CCDC6: variants seen among roughly 807,000 people sequenced by gnomAD.
CCDC6 encodes the protein coiled-coil domain-containing protein 6.
CCDC6 carries 20 observed loss-of-function variants against 56.6 expected under a neutral mutation model. That is an observed-to-expected ratio of 0.35 (90% CI 0.25 to 0.51). The LOEUF is 0.51. Ranked by LOEUF, CCDC6 falls within the 20% of genes least tolerant of loss-of-function variation. The pLI is 0.95. For missense variants in CCDC6, 367 were observed against 601.1 expected (o/e 0.61, Z 4.07); for synonymous variants, 241 against 234.4 (o/e 1.03, Z -0.26).
chr10:59,814,599 A>AACACAC (rs111613433), intron 4 of CCDC6, 53 bp downstream of exon 4: 73 of 927,796 alleles, frequency 7.9e-5, no homozygotes, highest in African/African-American at 5.6e-4. Flanking sequence ...CCAGAGCAGC[A>AACACAC]ACACACACAC....
intron 1 of CCDC6, among the ~76,000 whole-genome samples, chr10:59,868,216 A>G (rs67498166): frequency 0.24 from 36,991 of 152,116 alleles, 5,158 homozygotes; most frequent in African/African-American, 0.38. Flanking sequence ...TGGAACATGC[A>G]CTGTACAGAG....
intron 2 of CCDC6, among the ~76,000 whole-genome samples, chr10:59,848,239 T>G (rs891778947): frequency 1.7e-4 from 26 of 152,252 alleles, no homozygotes; most frequent in African/African-American, 5.1e-4. Context: ...AACTAATCTC[T>G]TTTAAAGTAT....
At chr10:59,892,972 G>A (rs890285449) in intron 1 of CCDC6, among the ~76,000 whole-genome samples, 8 of 152,118 alleles carry the variant, frequency 5.3e-5, no homozygotes, top group African/African-American at 1.9e-4. Flanking sequence ...CTCTAAAACT[G>A]AAAATAATTT....
chr10:59,820,831 T>C (rs1486052003), intron 3 of CCDC6, among the ~76,000 whole-genome samples: 1 of 150,866 alleles, frequency 6.6e-6, no homozygotes, highest in African/African-American at 2.4e-5. Flanking sequence ...ACAGCCACAT[T>C]AACCAAACTC....
At chr10:59,830,141 G>A (rs2070823634) in intron 3 of CCDC6, among the ~76,000 whole-genome samples, 1 of 152,156 alleles carries the variant, frequency 6.6e-6, no homozygotes, top group Non-Finnish European at 1.5e-5. Flanking sequence ...CCTTCAAGTG[G>A]CTTATAGTTT....
chr10:59,865,185 G>T (rs1191336143), intron 1 of CCDC6, among the ~76,000 whole-genome samples: 1 of 152,168 alleles, frequency 6.6e-6, no homozygotes, highest in African/African-American at 2.4e-5. Flanking sequence ...TGGCCCAGGG[G>T]CAATGACTAA....
At chr10:59,855,936 G>A (rs1386121484) in intron 1 of CCDC6, among the ~76,000 whole-genome samples, 2 of 152,198 alleles carry the variant, frequency 1.3e-5, no homozygotes, top group East Asian at 1.9e-4. Context: ...CTGGGAGGCC[G>A]AGGCTTTGGC....
At chr10:59,817,934 T>C (rs1437872417) in intron 3 of CCDC6, among the ~76,000 whole-genome samples, 2 of 152,140 alleles carry the variant, frequency 1.3e-5, no homozygotes, top group Non-Finnish European at 2.9e-5. Context: ...AGAAGCAGCA[T>C]GGCAAATCAT....
Position 59,791,470 on chromosome 10 carries a change from G to A in CCDC6, c.*1447C>T. ...CAATGTCATGGTTCCTTATTTTTAG[G>A]AGTGTGTTTAATAAAGAGTTGGCTA... On this transcript the variant is annotated 3_prime_UTR_variant, in exon 9 of 9. Transcript: ENST00000263102. 1 of 196,292 alleles carries A rather than the reference G, an allele frequency of 5.1e-6. No individual in the cohort carries two copies. The allele number at this position is 196,292 out of a possible 1,614,324, so 12.2% of individuals were successfully genotyped here. A position where few individuals can be genotyped will look rare whatever the true frequency, so the allele number is the denominator to read the frequency against.
At chr10:59,859,845 A>T (rs2071112633) in intron 1 of CCDC6, among the ~76,000 whole-genome samples, 2 of 96,752 alleles carry the variant, frequency 2.1e-5, no homozygotes, top group South Asian at 6.5e-4. Context: ...CGGGCATATC[A>T]TTTGAGGCCG....
chr10:59,887,262 A>G (rs930329713), intron 1 of CCDC6, among the ~76,000 whole-genome samples: 10 of 152,196 alleles, frequency 6.6e-5, no homozygotes, highest in African/African-American at 2.4e-4. Context: ...AAACAAGGAT[A>G]ATATGCTACT....
intron 3 of CCDC6, among the ~76,000 whole-genome samples, chr10:59,820,078 C>T (rs2070738454): frequency 6.6e-6 from 1 of 152,178 alleles, no homozygotes; most frequent in African/African-American, 2.4e-5. Flanking sequence ...ATGCATCTGG[C>T]TTATTTGAAT....
chr10:59,819,910 CTT>C (rs1303722729), intron 3 of CCDC6, among the ~76,000 whole-genome samples: 1 of 152,192 alleles, frequency 6.6e-6, no homozygotes, highest in African/African-American at 2.4e-5. Context: ...GGAAAGACTG[CTT>C]TGTAATTAAG....
chr10:59,901,397 G>A (rs889486001), intron 1 of CCDC6, among the ~76,000 whole-genome samples: 1 of 152,194 alleles, frequency 6.6e-6, no homozygotes, highest in Non-Finnish European at 1.5e-5. Context: ...TAGACTTCCA[G>A]AGTAAATAAT....
At chr10:59,847,932 G>A (rs1261800701) in intron 2 of CCDC6, among the ~76,000 whole-genome samples, 2 of 151,594 alleles carry the variant, frequency 1.3e-5, no homozygotes, top group African/African-American at 4.9e-5. Flanking sequence ...CCCCACTGGG[G>A]CCACTGTCTG....
rs1485278316 is a variant in CCDC6, at chr10:59,873,257, A to C, written c.304-20555T>G. ...CCTTATTTGGAAATAGGTTCTTTGC[A>C]GATGTAATCAAGCTAAGATGAGATC... On this transcript the variant is annotated intron_variant, in intron 1 of 8. Transcript: ENST00000263102. Among the ~76,000 whole-genome samples the C allele has an allele frequency of 3.3e-5, 5 of 152,160 alleles. No individual in the cohort carries two copies. In the East Asian group the frequency reaches 9.6e-4, roughly 29 times the overall value.
intron 3 of CCDC6, among the ~76,000 whole-genome samples, chr10:59,820,732 A>G (rs2070743313): frequency 6.6e-6 from 1 of 151,890 alleles, no homozygotes; most frequent in Non-Finnish European, 1.5e-5. Context: ...TGGGTGTCAG[A>G]GCAAGACTCT....
intron 1 of CCDC6, among the ~76,000 whole-genome samples, chr10:59,861,746 G>A (rs1054573535): frequency 2.6e-5 from 4 of 152,194 alleles, no homozygotes; most frequent in Non-Finnish European, 5.9e-5. Context: ...TCAGTAAACT[G>A]AAAGATAAGT....
At chr10:59,793,870 T>C (rs914505052) in intron 8 of CCDC6, among the ~76,000 whole-genome samples, 1 of 152,232 alleles carries the variant, frequency 6.6e-6, no homozygotes, top group Non-Finnish European at 1.5e-5. Context: ...AATAGGGTTC[T>C]TCTTTAAAAT....
Sources: gnomAD v4.1 joint callset for allele counts (sites outside exome capture counted in the v4.1 genomes callset) on GRCh38, gnomAD v4.1.1 for gene constraint, MANE v1.5 for transcripts, NCBI Gene and HGNC (gene_info 2026-07-23, HGNC 2026-07-21) for gene names.